Variants in DEPTOR observed in about 807,000 individuals in gnomAD.
The protein encoded by DEPTOR is DEP domain-containing mTOR-interacting protein.
DEPTOR carries 41 observed loss-of-function variants against 41.6 expected under a neutral mutation model. That is an observed-to-expected ratio of 0.98 (90% confidence interval 0.77 to 1.28). The LOEUF is 1.28. DEPTOR is among the 50% of genes most tolerant of loss of function. The pLI is 0.00. For missense variants in DEPTOR, 514 were observed against 527.9 expected, an observed-to-expected ratio of 0.97 and a Z score of 0.26; for synonymous variants, 195 against 192.3, an observed-to-expected ratio of 1.01 and a Z score of -0.12.
intron 1 of DEPTOR, among the ~76,000 whole-genome samples, chr8:119,923,654 G>C (rs200318265): frequency 2.0e-5 from 3 of 151,976 alleles, no homozygotes; most frequent in Admixed American, 6.6e-5. Context: ...TTGATAAACT[G>C]TCTGACATCC....
At chr8:119,966,688 G>C (rs1828566568) in intron 4 of DEPTOR, among the ~76,000 whole-genome samples, 2 of 152,136 alleles carry the variant, frequency 1.3e-5, no homozygotes, top group African/African-American at 4.8e-5. Context: ...TGTTGGCCAG[G>C]CTGGCCTCTA....
intron 8 of DEPTOR, among the ~76,000 whole-genome samples, chr8:120,026,831 C>T (rs1006008930): frequency 5.3e-5 from 8 of 152,216 alleles, no homozygotes; most frequent in Non-Finnish European, 7.3e-5. Flanking sequence ...CATCCCTTCT[C>T]TGTCCTCTGT....
chr8:120,001,380 G>T, intron 4 of DEPTOR, 145 bp from the exon 5 acceptor site: 2 of 659,976 alleles, frequency 3.0e-6, no homozygotes, highest in Non-Finnish European at 4.7e-6. Context: ...AACCATGGGC[G>T]GATGGGCGGC....
At chr8:119,898,926 A>G (rs2129741381) in intron 1 of DEPTOR, among the ~76,000 whole-genome samples, 1 of 152,318 alleles carries the variant, frequency 6.6e-6, no homozygotes, top group Non-Finnish European at 1.5e-5. Context: ...TATATGTGCC[A>G]CTAAGGACTA....
chr8:120,008,863 G>A (rs540457878), intron 7 of DEPTOR, among the ~76,000 whole-genome samples, 166 bp from the exon 8 acceptor site: 26 of 152,286 alleles, frequency 1.7e-4, no homozygotes, highest in Non-Finnish European at 3.4e-4. Flanking sequence ...GAGATGCCCG[G>A]GTTTGTGATA....
chr8:119,901,672 T>C (rs1447595105), intron 1 of DEPTOR, among the ~76,000 whole-genome samples: 1 of 135,736 alleles, frequency 7.4e-6, no homozygotes, highest in Non-Finnish European at 1.5e-5. Context: ...CAAGACTCTG[T>C]CTCAAAAAAA....
At chr8:120,025,559 C>T (rs996869498) in intron 8 of DEPTOR, among the ~76,000 whole-genome samples, 2 of 152,132 alleles carry the variant, frequency 1.3e-5, no homozygotes, top group Non-Finnish European at 1.5e-5. Flanking sequence ...CATTCCTGTT[C>T]CTCCTCCAGT....
At chr8:119,905,833 G>A (rs183182458) in intron 1 of DEPTOR, among the ~76,000 whole-genome samples, 8 of 152,128 alleles carry the variant, frequency 5.3e-5, no homozygotes, top group Admixed American at 5.2e-4. Flanking sequence ...AATGGAGATG[G>A]GGTTTCACCA....
intron 1 of DEPTOR, among the ~76,000 whole-genome samples, chr8:119,883,537 T>C (rs1827326730): frequency 6.7e-6 from 1 of 149,642 alleles, no homozygotes; most frequent in Admixed American, 6.6e-5. Flanking sequence ...AGATAACAGC[T>C]GTTGCTAGGG....
chr8:119,998,014 A>G (rs1018547383), intron 4 of DEPTOR, among the ~76,000 whole-genome samples: 1 of 152,188 alleles, frequency 6.6e-6, no homozygotes, highest in Non-Finnish European at 1.5e-5. Flanking sequence ...ATCTTTTCCT[A>G]AAACACTGGG....
intron 1 of DEPTOR, among the ~76,000 whole-genome samples, chr8:119,896,498 T>TTTTTG (rs59477615): frequency 0.49 from 74,370 of 150,766 alleles, 20,095 homozygotes; most frequent in East Asian, 0.92. Flanking sequence ...TTTCTTTGTG[T>TTTTTG]TTTTGTTTTG....
chr8:119,912,392 G>A (rs1827756673), intron 1 of DEPTOR, among the ~76,000 whole-genome samples: 1 of 152,178 alleles, frequency 6.6e-6, no homozygotes, highest in Non-Finnish European at 1.5e-5. Flanking sequence ...TCCAGAAACT[G>A]GGCCAGCATG....
chr8:120,026,534 G>A (rs745898133), intron 8 of DEPTOR, among the ~76,000 whole-genome samples: 9 of 151,894 alleles, frequency 5.9e-5, no homozygotes, highest in Non-Finnish European at 8.8e-5. Context: ...GTAGAGACAG[G>A]GTTTCACCAT....
At chr8:119,941,373 C>T (rs1428429886) in intron 3 of DEPTOR, among the ~76,000 whole-genome samples, 1 of 39,964 alleles carries the variant, frequency 2.5e-5, no homozygotes, top group East Asian at 8.4e-4. Context: ...ATCTCCATCT[C>T]AAAAAAAAAA....
At chr8:119,902,286 G>C (rs541996107) in intron 1 of DEPTOR, among the ~76,000 whole-genome samples, 1 of 152,258 alleles carries the variant, frequency 6.6e-6, no homozygotes. Context: ...GAAACTAAGT[G>C]ACTTGGCCAT....
At chr8:119,977,828 C>G (rs908945) in intron 4 of DEPTOR, among the ~76,000 whole-genome samples, 1 of 150,546 alleles carries the variant, frequency 6.6e-6, no homozygotes, top group African/African-American at 2.4e-5. Context: ...TTCTCTCTCT[C>G]TTTTTTTTAA....
intron 4 of DEPTOR, among the ~76,000 whole-genome samples, chr8:119,966,737 G>A (rs1011802026): frequency 1.1e-4 from 16 of 152,042 alleles, no homozygotes; most frequent in African/African-American, 3.4e-4. Flanking sequence ...TTGGCCTCCC[G>A]AAGAACTGGG....
At chr8:119,975,271 T>C (rs144642372) in intron 4 of DEPTOR, among the ~76,000 whole-genome samples, 2,781 of 152,340 alleles carry the variant, frequency 0.018, 39 homozygotes, top group Non-Finnish European at 0.03. Context: ...ACAATCCTTA[T>C]GCCAGGTAGC....
intron 1 of DEPTOR, among the ~76,000 whole-genome samples, chr8:119,878,322 CT>C (rs34074804): frequency 0.49 from 69,801 of 141,466 alleles, 18,289 homozygotes; most frequent in East Asian, 0.91. Flanking sequence ...AATCCTGACA[CT>C]TTTTTTTTTT....
Sources: allele counts gnomAD v4.1 joint callset (sites outside exome capture counted in the v4.1 genomes callset), GRCh38; gene constraint gnomAD v4.1.1; transcripts MANE v1.5; gene names NCBI Gene and HGNC (gene_info 2026-07-23, HGNC 2026-07-21).